The following UAP1 variants were observed in gnomAD, a reference collection of about 807,000 sequenced individuals.
UAP1 encodes UDP-N-acetylhexosamine pyrophosphorylase.
In UAP1, 25 loss-of-function variants were observed where a neutral mutation model predicts 58.5. That is an observed-to-expected ratio of 0.43 (90% CI 0.31 to 0.60). The LOEUF is 0.60. Ranked by LOEUF, UAP1 falls within the 20% of genes least tolerant of loss-of-function variation. The pLI is 0.11. For synonymous variants in UAP1, 208 were observed against 213.0 expected (o/e 0.98, Z 0.21); for missense variants, 575 against 630.0 (o/e 0.91, Z 0.93).
chr1:162,579,040 A>G (rs1654384117), intron 3 of UAP1, among the ~76,000 whole-genome samples: 1 of 152,256 alleles, frequency 6.6e-6, no homozygotes, highest in Non-Finnish European at 1.5e-5. Flanking sequence ...TTCAATAAAA[A>G]GAACCCCAAG....
In UAP1 at chr1:162,579,410, C is replaced by T; in HGVS notation, c.486-18C>T. ...CACCTAGCACGGTTGCTTAGAAGAT[C>T]TGATTTTCTCTTGTAAGGTATATAA... is the stretch of plus-strand genomic sequence containing the variant. On this transcript the variant is annotated intron_variant, in intron 3 of 10. Transcript: ENST00000271469. 1 of 1,467,190 alleles carries T rather than the reference C, an allele frequency of 6.8e-7. No individual in the cohort carries two copies. Among genetic ancestry groups the T allele is most frequent in the Middle Eastern group, 2.1e-4 (1 of 4,722 alleles). 90.9% of individuals were successfully genotyped at this position (1,467,190 alleles called of 1,614,324 possible). A position where few individuals can be genotyped will look rare whatever the true frequency, so the allele number is the denominator to read the frequency against.
At chr1:162,599,162 A>G (rs1365186805) in intron 10 of UAP1, 109 bp from the exon 11 acceptor site, 1 of 603,958 alleles carries the variant, frequency 1.7e-6, no homozygotes, top group Non-Finnish European at 2.9e-6. Context: ...TATATTCTGC[A>G]TCTCAACCTT....
At chr1:162,597,526 G>A in intron 9 of UAP1, 1 of 398,566 alleles carries the variant, frequency 2.5e-6, no homozygotes, top group South Asian at 4.5e-5. Flanking sequence ...GTATGTAAGG[G>A]GACAGTGTGT....
At chr1:162,564,256 G>A (rs1327721610) in intron 1 of UAP1, among the ~76,000 whole-genome samples, 1 of 152,172 alleles carries the variant, frequency 6.6e-6, no homozygotes. Flanking sequence ...ACCTGAGCTT[G>A]TAAATGGAGT....
exon 4 of UAP1, chr1:162,579,515 A>T (rs747341625): frequency 3.1e-6 from 5 of 1,611,928 alleles, no homozygotes; most frequent in Non-Finnish European, 4.2e-6. Flanking sequence ...AAGAGAATGT[A>T]ATCTTTTTTC....
intron 3 of UAP1, among the ~76,000 whole-genome samples, chr1:162,577,827 G>T (rs1654300250): frequency 1.3e-5 from 2 of 151,858 alleles, no homozygotes; most frequent in African/African-American, 4.8e-5. Flanking sequence ...GGTCAAGCTG[G>T]TCTTGAACTC....
intron 1 of UAP1, among the ~76,000 whole-genome samples, chr1:162,565,216 A>G (rs1436335642): frequency 6.6e-6 from 1 of 152,170 alleles, no homozygotes; most frequent in African/African-American, 2.4e-5. Context: ...TGAACTTTCT[A>G]GACAGCACCT....
intron 2 of UAP1, among the ~76,000 whole-genome samples, chr1:162,575,527 G>C (rs1654123563): frequency 6.6e-6 from 1 of 151,282 alleles, no homozygotes; most frequent in South Asian, 2.1e-4. Flanking sequence ...TGCCTCCTAG[G>C]TTCAAGCAAT....
At chr1:162,566,419 C>A in intron 2 of UAP1, 71 bp downstream of exon 2, 2 of 1,456,444 alleles carry the variant, frequency 1.4e-6, no homozygotes, top group South Asian at 1.4e-5. Context: ...GTAGCTGGAT[C>A]ATGTCACTAA....
At chr1:162,564,114 T>TA (rs1306274327) in intron 1 of UAP1, among the ~76,000 whole-genome samples, 3 of 152,284 alleles carry the variant, frequency 2.0e-5, no homozygotes, top group Admixed American at 2.0e-4. Context: ...TTTTTAAAAT[T>TA]AAAAAATAAT....
At chr1:162,595,429 C>T (rs1655563585) in intron 9 of UAP1, among the ~76,000 whole-genome samples, 1 of 152,006 alleles carries the variant, frequency 6.6e-6, no homozygotes, top group Non-Finnish European at 1.5e-5. Context: ...CTCGGCATGC[C>T]TACTCAAGAT....
At position 162,590,320 on chromosome 1, in the gene UAP1, T is replaced by G; in HGVS notation, c.1170-3T>G. 1 of 1,609,242 alleles carries G rather than the reference T, an allele frequency of 6.2e-7. No individual in the cohort carries two copies. The highest frequency in any genetic ancestry group is 8.5e-7 in the Non-Finnish European group (1 of 1,178,248). ...AAGAGGTCTTTATATGGTTTCGCTC[T>G]AGGAAGTTTGTGGTATATGAAGTAT... On this transcript the variant is annotated splice_polypyrimidine_tract_variant and splice_region_variant and intron_variant, in intron 7 of 10. Coordinates refer to ENST00000271469, the Ensembl canonical transcript of UAP1.
At chr1:162,590,031 G>GTT (rs34447708) in intron 7 of UAP1, among the ~76,000 whole-genome samples, 504 of 144,766 alleles carry the variant, frequency 3.5e-3, no homozygotes, top group Non-Finnish European at 4.5e-3. Context: ...TTTTTTGCCT[G>GTT]TTTTTTTTTT....
chr1:162,577,685 C>T (rs1185032607), intron 3 of UAP1, among the ~76,000 whole-genome samples: 1 of 151,578 alleles, frequency 6.6e-6, no homozygotes, highest in Non-Finnish European at 1.5e-5. Flanking sequence ...GATTTCGGCC[C>T]ACTGCAACCC....
At chr1:162,563,804 G>A (rs1470866514) in intron 1 of UAP1, among the ~76,000 whole-genome samples, 1 of 152,122 alleles carries the variant, frequency 6.6e-6, no homozygotes, top group South Asian at 2.1e-4. Flanking sequence ...ATCAGACAGA[G>A]CACTCTTTAC....
At chr1:162,596,683 A>G (rs1655639599) in intron 9 of UAP1, among the ~76,000 whole-genome samples, 1 of 152,144 alleles carries the variant, frequency 6.6e-6, no homozygotes, top group South Asian at 2.1e-4. Context: ...TAGGATAGAG[A>G]GTGCTTTGAA....
At chr1:162,578,273 C>G (rs1205738838) in intron 3 of UAP1, among the ~76,000 whole-genome samples, 1 of 152,182 alleles carries the variant, frequency 6.6e-6, no homozygotes, top group Non-Finnish European at 1.5e-5. Flanking sequence ...AAGCCATATT[C>G]ACCACTAGCC....
At chr1:162,565,569 C>T (rs536668903) in intron 1 of UAP1, among the ~76,000 whole-genome samples, 1 of 152,252 alleles carries the variant, frequency 6.6e-6, no homozygotes, top group East Asian at 1.9e-4. Context: ...ATTAGAGATA[C>T]AAGGAAAACA....
At chr1:162,588,872 C>A in intron 7 of UAP1, 39 bp downstream of exon 7, 1 of 1,562,086 alleles carries the variant, frequency 6.4e-7, no homozygotes, top group South Asian at 1.2e-5. Flanking sequence ...AAATAAATGT[C>A]TTAAAATGCT....
Sources: gnomAD v4.1 joint callset for allele counts (sites outside exome capture counted in the v4.1 genomes callset) on GRCh38, gnomAD v4.1.1 for gene constraint, MANE v1.5 for transcripts, NCBI Gene and HGNC (gene_info 2026-07-23, HGNC 2026-07-21) for gene names.